MAF: variants seen among roughly 807,000 people sequenced by gnomAD.
MAF encodes the protein MAF bZIP transcription factor.
A neutral mutation model predicts 22.0 loss-of-function variants in MAF; 10 were observed. The ratio of observed to expected loss-of-function variants is 0.45; its 90% CI spans 0.28 to 0.77. The LOEUF (loss-of-function observed/expected upper bound fraction) is 0.77, where lower values mean the gene tolerates loss of function less well. Ranked by LOEUF, MAF falls within the 30% of genes least tolerant of loss-of-function variation. The probability of loss-of-function intolerance (pLI) is 0.12; values close to 1 mark genes in which losing one functional copy is unlikely to be tolerated. For synonymous variants in MAF, 337 were observed against 255.8 expected, an observed-to-expected ratio of 1.32 and a Z score of -3.03; for missense variants, 544 against 548.4, an observed-to-expected ratio of 0.99 and a Z score of 0.08.
the MAF span, among the ~76,000 whole-genome samples, chr16:79,209,725 G>A: frequency 6.6e-6 from 1 of 152,184 alleles, no homozygotes; most frequent in Non-Finnish European, 1.5e-5. Context: ...AGCTGGATGA[G>A]CATCTCAATT....
chr16:79,313,733 C>G, the MAF span, among the ~76,000 whole-genome samples: 1 of 152,140 alleles, frequency 6.6e-6, no homozygotes, highest in Non-Finnish European at 1.5e-5. Context: ...GAGGCTTTGC[C>G]TATCTCACTC....
the MAF span, among the ~76,000 whole-genome samples, chr16:79,218,834 G>A: frequency 6.6e-6 from 1 of 152,032 alleles, no homozygotes; most frequent in African/African-American, 2.4e-5. Context: ...TTGCACCAGT[G>A]AAGAGCCTAC....
the MAF span, among the ~76,000 whole-genome samples, chr16:79,580,730 T>A: frequency 6.6e-6 from 1 of 152,044 alleles, no homozygotes; most frequent in Non-Finnish European, 1.5e-5. Flanking sequence ...CCTCCGAACC[T>A]GCTTGGTAAA....
the MAF span, among the ~76,000 whole-genome samples, chr16:79,479,026 C>T: frequency 4.6e-5 from 7 of 151,976 alleles, no homozygotes; most frequent in African/African-American, 1.2e-4. Flanking sequence ...ACCACCCCAG[C>T]GTATATTTAT....
chr16:79,216,297 T>C, the MAF span, among the ~76,000 whole-genome samples: 1 of 152,184 alleles, frequency 6.6e-6, no homozygotes. Flanking sequence ...ACAGGCATTA[T>C]AGATGTATAA....
the MAF span, among the ~76,000 whole-genome samples, chr16:79,226,158 A>C: frequency 6.6e-6 from 1 of 152,248 alleles, no homozygotes; most frequent in Non-Finnish European, 1.5e-5. Flanking sequence ...GACTGGATAA[A>C]GAAAATGTGG....
the MAF span, among the ~76,000 whole-genome samples, chr16:79,374,537 A>C: frequency 6.6e-6 from 1 of 152,140 alleles, no homozygotes; most frequent in Non-Finnish European, 1.5e-5. Context: ...TTCCAGTGAC[A>C]CCTGGTAATA....
At chr16:79,550,988 C>T in the MAF span, among the ~76,000 whole-genome samples, 45,521 of 151,944 alleles carry the variant, frequency 0.3, 7,567 homozygotes, top group Admixed American at 0.37. Context: ...GCCCCCGTGG[C>T]CTCACAGACA....
chr16:79,288,619 A>G, the MAF span, among the ~76,000 whole-genome samples: 4 of 152,236 alleles, frequency 2.6e-5, no homozygotes, highest in Non-Finnish European at 4.4e-5. Flanking sequence ...GTGTTGTTAT[A>G]TAGAAATAGA....
the MAF span, among the ~76,000 whole-genome samples, chr16:79,433,373 G>A: frequency 6.6e-6 from 1 of 151,534 alleles, no homozygotes; most frequent in Non-Finnish European, 1.5e-5. Flanking sequence ...ATCTTCCTAA[G>A]CAATGAAAAC....
chr16:79,221,967 G>A, the MAF span, among the ~76,000 whole-genome samples: 3 of 152,130 alleles, frequency 2.0e-5, no homozygotes, highest in Admixed American at 2.0e-4. Context: ...GACACAGACA[G>A]AGAAACGTTT....
At chr16:79,468,523 C>T in the MAF span, among the ~76,000 whole-genome samples, 11 of 152,324 alleles carry the variant, frequency 7.2e-5, no homozygotes, top group South Asian at 6.2e-4. Context: ...TGTCAGTGAA[C>T]GACTGCACCT....
At chr16:79,571,741 G>C in the MAF span, among the ~76,000 whole-genome samples, 5 of 152,046 alleles carry the variant, frequency 3.3e-5, no homozygotes, top group Admixed American at 2.6e-4. Context: ...GGCATCACCA[G>C]CTTCTCTTAA....
the MAF span, among the ~76,000 whole-genome samples, chr16:79,247,401 C>T: frequency 3.3e-5 from 5 of 152,298 alleles, no homozygotes; most frequent in South Asian, 2.1e-4. Context: ...TTCTCCTTGC[C>T]GATGATCTCA....
At chr16:79,296,483 A>G in the MAF span, among the ~76,000 whole-genome samples, 2 of 152,230 alleles carry the variant, frequency 1.3e-5, no homozygotes, top group Non-Finnish European at 2.9e-5. Context: ...TTACTTATGT[A>G]ACAAACCTGC....
At chr16:79,498,453 T>C in the MAF span, among the ~76,000 whole-genome samples, 1 of 152,200 alleles carries the variant, frequency 6.6e-6, no homozygotes, top group South Asian at 2.1e-4. Context: ...TCAAAAGCCA[T>C]TCTTAGCTTG....
downstream of MAF, among the ~76,000 whole-genome samples, chr16:79,591,727 A>C (rs962536985): frequency 6.6e-6 from 1 of 152,124 alleles, no homozygotes; most frequent in African/African-American, 2.4e-5. Flanking sequence ...CTTACGGAAA[A>C]CACACAGAGG....
At chr16:79,260,446 C>T in the MAF span, among the ~76,000 whole-genome samples, 1 of 116,928 alleles carries the variant, frequency 8.6e-6, no homozygotes, top group Non-Finnish European at 2.0e-5. Flanking sequence ...GCCACCATGC[C>T]TGGCTCATGT....
chr16:79,212,230 T>TC, the MAF span: 11 of 1,379,912 alleles, frequency 8.0e-6, no homozygotes, highest in Non-Finnish European at 1.0e-5. Flanking sequence ...TGTTCACTGC[T>TC]CCTTGCTGCA....
Sources: allele counts gnomAD v4.1 joint callset (sites outside exome capture counted in the v4.1 genomes callset), GRCh38; gene constraint gnomAD v4.1.1; transcripts MANE v1.5; gene names NCBI Gene and HGNC (gene_info 2026-07-23, HGNC 2026-07-21).